IWS1: variants seen among roughly 807,000 people sequenced by gnomAD.
IWS1 encodes interacts with SUPT6H, CTD assembly factor 1, also known as protein IWS1 homolog.
A neutral mutation model predicts 86.7 loss-of-function variants in IWS1; 27 were observed. That is an observed-to-expected ratio of 0.31 (90% CI 0.23 to 0.43). IWS1 has a LOEUF of 0.43. Among genes scored for constraint, IWS1 ranks in the 20% least tolerant of loss-of-function variants. IWS1 has a pLI of 1.00. For missense variants in IWS1, 827 were observed against 1,000.8 expected, an observed-to-expected ratio of 0.83 and a Z score of 2.34; for synonymous variants, 313 against 335.1, an observed-to-expected ratio of 0.93 and a Z score of 0.72.
chr2:127,486,532 G>A, intron 13 of IWS1, 21 bp downstream of exon 13: 1 of 1,533,046 alleles, frequency 6.5e-7, no homozygotes, highest in South Asian at 1.1e-5. Flanking sequence ...GATCCACCTT[G>A]CCGATCCTCC....
intron 2 of IWS1, among the ~76,000 whole-genome samples, chr2:127,516,843 G>A (rs777006699): frequency 2.6e-5 from 4 of 151,954 alleles, no homozygotes; most frequent in African/African-American, 4.8e-5. Context: ...CTTATTAAGC[G>A]CATGGAACAT....
intron 1 of IWS1, among the ~76,000 whole-genome samples, chr2:127,525,244 T>A (rs2679407): frequency 2.6e-5 from 4 of 151,800 alleles, no homozygotes; most frequent in African/African-American, 9.7e-5. Flanking sequence ...ACAGGCATAA[T>A]CCACCGCACC....
chr2:127,496,403 A>G (rs1465038461), intron 6 of IWS1, among the ~76,000 whole-genome samples: 1 of 152,178 alleles, frequency 6.6e-6, no homozygotes, highest in East Asian at 1.9e-4. Context: ...AATTTAGTGT[A>G]GCCTAAGCAT....
chr2:127,517,522 T>G (rs1691840133), intron 2 of IWS1, among the ~76,000 whole-genome samples: 1 of 152,172 alleles, frequency 6.6e-6, no homozygotes, highest in Non-Finnish European at 1.5e-5. Flanking sequence ...GGCAATGGGA[T>G]AACTAGACAG....
chr2:127,510,524 A>G (rs566971455), intron 2 of IWS1, among the ~76,000 whole-genome samples: 6 of 152,006 alleles, frequency 3.9e-5, no homozygotes, highest in Non-Finnish European at 8.8e-5. Flanking sequence ...ACAAGGTATC[A>G]CTCTGTCACC....
Position 127,526,455 on chromosome 2 carries a change from T to C in IWS1, c.-247A>G, listed in dbSNP as rs1292195367. 5.2e-6 allele frequency: 8 copies of C among 1,532,542 alleles called. No homozygotes were observed. The highest frequency in any genetic ancestry group is 7.0e-6 in the Non-Finnish European group (8 of 1,139,750). 94.9% of individuals were successfully genotyped at this position (1,532,542 alleles called of 1,614,324 possible). A position where few individuals can be genotyped will look rare whatever the true frequency, so the allele number is the denominator to read the frequency against. On this transcript the variant is annotated 5_prime_UTR_variant, in exon 1 of 14. Transcript: ENST00000295321. ...GCAGGCATGCGAGCCGGCGTTCTAC[T>C]TCCTAGAAGCACCGCTGGGGCCAAA... is the stretch of plus-strand genomic sequence containing the variant.
At chr2:127,514,952 T>A (rs559741229) in intron 2 of IWS1, 1 of 152,232 alleles carries the variant, frequency 6.6e-6, no homozygotes, top group African/African-American at 2.4e-5. Context: ...ACCCCAGAGG[T>A]TTCCTGCCAA....
intron 2 of IWS1, among the ~76,000 whole-genome samples, chr2:127,521,843 A>G (rs1255108468): frequency 6.6e-6 from 1 of 152,198 alleles, no homozygotes; most frequent in Non-Finnish European, 1.5e-5. Flanking sequence ...ATTATAAAAA[A>G]ACAAAGATGC....
intron 12 of IWS1, among the ~76,000 whole-genome samples, chr2:127,488,644 C>G (rs1057294690): frequency 6.6e-6 from 1 of 152,220 alleles, no homozygotes; most frequent in Non-Finnish European, 1.5e-5. Context: ...TAAATCAAAT[C>G]AAACCAGATG....
At chr2:127,500,968 A>G (rs933820768) in intron 5 of IWS1, among the ~76,000 whole-genome samples, 81 of 152,342 alleles carry the variant, frequency 5.3e-4, no homozygotes, top group African/African-American at 1.8e-3. Flanking sequence ...GCAAAGGCCT[A>G]TGAGCACTTC....
intron 2 of IWS1, among the ~76,000 whole-genome samples, chr2:127,509,033 A>G (rs1691297606): frequency 6.6e-6 from 1 of 152,236 alleles, no homozygotes; most frequent in African/African-American, 2.4e-5. Flanking sequence ...TATGAGTTTC[A>G]CGAAAACATA....
intron 2 of IWS1, among the ~76,000 whole-genome samples, chr2:127,519,528 G>GA (rs1263094160): frequency 2.0e-5 from 3 of 150,516 alleles, no homozygotes; most frequent in Non-Finnish European, 4.4e-5. Context: ...TAGGTGAAAT[G>GA]AATTTAAAAA....
intron 13 of IWS1, among the ~76,000 whole-genome samples, chr2:127,485,238 G>A (rs1689868772): frequency 6.6e-6 from 1 of 152,146 alleles, no homozygotes; most frequent in Admixed American, 6.5e-5. Context: ...AGGTAGGAGA[G>A]TGGAGTCAGT....
At chr2:127,526,149 C>T (rs1692399447) in intron 1 of IWS1, 26 bp downstream of exon 1, 6 of 1,588,856 alleles carry the variant, frequency 3.8e-6, no homozygotes, top group South Asian at 3.4e-5. Context: ...CGCCTCCCAG[C>T]CCGGTCCCCC....
In IWS1 at chr2:127,489,812, T is replaced by C; in HGVS notation, c.2159+20A>G. ...CAACAATAACGTGTATTCCACTTACTCATACCTGTTCCCTCATACCTGTTC... is the reference window on the plus strand; with the variant it reads ...CAACAATAACGTGTATTCCACTTACCCATACCTGTTCCCTCATACCTGTTC... On this transcript the variant is annotated intron_variant, in intron 11 of 13. Coordinates refer to ENST00000295321, the MANE Select transcript of IWS1 (RefSeq NM_017969.3). The surrounding 1 kb of genome is among the most constrained non-coding windows in gnomAD (Gnocchi z 4.8). The C allele has an allele frequency of 7.6e-7, 1 of 1,307,398 alleles. No homozygotes were observed. The highest frequency in any genetic ancestry group is 1.1e-6 in the Non-Finnish European group (1 of 901,706). 81.0% of individuals were successfully genotyped at this position (1,307,398 alleles called of 1,614,324 possible). A position where few individuals can be genotyped will look rare whatever the true frequency, so the allele number is the denominator to read the frequency against.
At chr2:127,488,322 A>C (rs1366619006) in intron 12 of IWS1, among the ~76,000 whole-genome samples, 1 of 152,252 alleles carries the variant, frequency 6.6e-6, no homozygotes, top group African/African-American at 2.4e-5. Context: ...TAATATTTAT[A>C]GGGCTATCTC....
At chr2:127,525,251 C>T (rs752870718) in intron 1 of IWS1, among the ~76,000 whole-genome samples, 3 of 152,058 alleles carry the variant, frequency 2.0e-5, no homozygotes, top group Admixed American at 6.6e-5. Context: ...TAATCCACCG[C>T]ACCTGGCTTA....
rs543932013 is a variant in IWS1, at chr2:127,516,340, C to T, written c.150+7336G>A. On this transcript the variant is annotated intron_variant, in intron 2 of 13. Transcript: ENST00000295321. ...GCCTGGGCGACAGTGAGACTCCGCA[C>T]CCCGCCCCCGCAATACACACACACA... 1.1e-4 allele frequency among the ~76,000 whole-genome samples: 16 copies of T among 152,170 alleles called. No individual in the cohort carries two copies. The East Asian group carries it at 1.4e-3, about 13-fold the overall frequency.
intron 2 of IWS1, among the ~76,000 whole-genome samples, chr2:127,507,977 G>A (rs1049644742): frequency 1.3e-5 from 2 of 152,086 alleles, no homozygotes; most frequent in Non-Finnish European, 2.9e-5. Context: ...GGGTTCCATC[G>A]CCAAAATAGC....
Sources: gnomAD v4.1 joint callset for allele counts (sites outside exome capture counted in the v4.1 genomes callset) on GRCh38, gnomAD v4.1.1 for gene constraint, Gnocchi (gnomAD v3.1) non-coding constraint, MANE v1.5 for transcripts, NCBI Gene and HGNC (gene_info 2026-07-23, HGNC 2026-07-21) for gene names.